Variants in MAK16 observed in about 807,000 individuals in gnomAD.
MAK16 encodes protein MAK16 homolog.
A neutral mutation model predicts 49.9 loss-of-function variants in MAK16; 12 were observed. That is an observed-to-expected ratio of 0.24 (90% confidence interval 0.15 to 0.39). The LOEUF is 0.39. Ranked by LOEUF, MAK16 falls within the 10% of genes least tolerant of loss-of-function variation. The pLI is 1.00. For synonymous variants in MAK16, 115 were observed against 126.4 expected (o/e 0.91, Z 0.60); for missense variants, 292 against 363.7 (o/e 0.80, Z 1.60).
chr8:33,497,175 G>A, intron 8 of MAK16, 57 bp from the exon 9 acceptor site: 1 of 1,280,078 alleles, frequency 7.8e-7, no homozygotes, highest in Non-Finnish European at 1.1e-6. Context: ...TTACTTAGAT[G>A]TCTAATCTGA....
At position 33,499,194 on chromosome 8, in the gene MAK16, G is replaced by A. The variant is rs200273292; in HGVS notation, c.*565G>A. ...AGTCTTAAGTTCCATTGTAGGGTGC[G>A]CCTTCAGAAACCTGCTGCACTTTTC... On this transcript the variant is annotated 3_prime_UTR_variant, in exon 10 of 10. Coordinates refer to ENST00000360128, the MANE Select transcript of MAK16 (RefSeq NM_032509.4). 6.3e-5 allele frequency: 102 copies of A among 1,613,724 alleles called. No individual in the cohort carries two copies. Among genetic ancestry groups the A allele is most frequent in the South Asian group, 3.1e-4 (28 of 91,078 alleles).
chr8:33,490,641 C>A (rs1364939037), intron 6 of MAK16, among the ~76,000 whole-genome samples: 1 of 152,172 alleles, frequency 6.6e-6, no homozygotes, highest in Non-Finnish European at 1.5e-5. Flanking sequence ...GCATATTTTA[C>A]ATACTACATA....
intron 1 of MAK16, among the ~76,000 whole-genome samples, chr8:33,487,475 G>C (rs1427685339): frequency 6.6e-6 from 1 of 151,498 alleles, no homozygotes; most frequent in African/African-American, 2.4e-5. Flanking sequence ...GCCCAGGCTG[G>C]AGTGCAGTGG....
Position 33,490,171 on chromosome 8 carries a change from G to A in MAK16, c.393-114G>A, listed in dbSNP as rs563550880. The A allele has an allele frequency of 1.7e-4, 138 of 798,084 alleles. 1 individual carries two copies. The highest frequency in any genetic ancestry group is 8.0e-4 in the South Asian group (46 of 57,430). The allele number at this position is 798,084 out of a possible 1,614,324, so 49.4% of individuals were successfully genotyped here. ...GCCTGAAGCTCAGCCATCCTGCCCT[G>A]CACATGAGTAGACTTCCATTTTAGT... On this transcript the variant is annotated intron_variant, in intron 5 of 9. Coordinates refer to ENST00000360128, the MANE Select transcript of MAK16 (RefSeq NM_032509.4).
intron 1 of MAK16, among the ~76,000 whole-genome samples, chr8:33,486,415 G>A (rs1452916112): frequency 6.6e-6 from 1 of 152,128 alleles, no homozygotes; most frequent in Non-Finnish European, 1.5e-5. Flanking sequence ...AGCTGGGCGC[G>A]GTGGTGTTCG....
At position 33,498,673 on chromosome 8, in the gene MAK16, G is replaced by GTTT. The variant is rs11445524; in HGVS notation, c.*58_*60dup. 4,347 of 1,169,248 alleles carry GTTT rather than the reference G, an allele frequency of 3.7e-3. No individual in the cohort carries two copies. The highest frequency in any genetic ancestry group is 9.1e-3 in the East Asian group (350 of 38,398). The allele number at this position is 1,169,248 out of a possible 1,614,324, so 72.4% of individuals were successfully genotyped here. On this transcript the variant is annotated 3_prime_UTR_variant, in exon 10 of 10. Transcript: ENST00000360128. ...TACCCAGGACTGAACATGCAGAACT[G>GTTT]TTTTTTTTTTTTTTTTATCTTAAAC...
At position 33,499,410 on chromosome 8, in the gene MAK16, G is replaced by T; in HGVS notation, c.*781G>T. Reference sequence around the variant, plus strand: ...ATGACACTTAGGGACAGGTCACTAAGCAGAATAGGTATTAGTTGGTTTTTT... The same window carrying T: ...ATGACACTTAGGGACAGGTCACTAATCAGAATAGGTATTAGTTGGTTTTTT... On this transcript the variant is annotated 3_prime_UTR_variant, in exon 10 of 10. Transcript: ENST00000360128. The T allele has an allele frequency of 2.9e-6, 2 of 691,558 alleles. No individual in the cohort carries two copies. The highest frequency in any genetic ancestry group is 2.6e-6 in the Non-Finnish European group (1 of 389,558). 42.8% of individuals were successfully genotyped at this position (691,558 alleles called of 1,614,324 possible). A position where few individuals can be genotyped will look rare whatever the true frequency, so the allele number is the denominator to read the frequency against.
intron 1 of MAK16, among the ~76,000 whole-genome samples, chr8:33,486,152 GT>G (rs1808683772): frequency 6.6e-6 from 1 of 152,226 alleles, no homozygotes; most frequent in African/African-American, 2.4e-5. Context: ...CTTGTAGGAA[GT>G]GTTTTTTAGG....
chr8:33,496,533 A>C, intron 7 of MAK16, 92 bp from the exon 8 acceptor site: 6 of 895,230 alleles, frequency 6.7e-6, no homozygotes, highest in Non-Finnish European at 8.6e-6. Flanking sequence ...TGATTTAATC[A>C]CTGAGGAAAA....
intron 6 of MAK16, among the ~76,000 whole-genome samples, chr8:33,493,640 T>C (rs1808811532): frequency 6.6e-6 from 1 of 152,222 alleles, no homozygotes; most frequent in African/African-American, 2.4e-5. Context: ...CCATTAGTTA[T>C]GGAGCGGCTT....
At chr8:33,494,292 C>T (rs900731644) in intron 6 of MAK16, among the ~76,000 whole-genome samples, 9 of 152,160 alleles carry the variant, frequency 5.9e-5, no homozygotes, top group Non-Finnish European at 8.8e-5. Flanking sequence ...TCAGGCTGGT[C>T]TTGATCTCCT....
intron 9 of MAK16, among the ~76,000 whole-genome samples, chr8:33,497,648 C>T (rs551722177): frequency 6.6e-6 from 1 of 151,896 alleles, no homozygotes; most frequent in East Asian, 2.0e-4. Flanking sequence ...ATGTGCCACT[C>T]CACCCGGCTA....
chr8:33,495,469 A>T, intron 6 of MAK16, 73 bp from the exon 7 acceptor site: 3 of 1,254,588 alleles, frequency 2.4e-6, no homozygotes, highest in Non-Finnish European at 2.3e-6. Flanking sequence ...ACAACTTGGT[A>T]GTTTCTTCCA....
At chr8:33,493,062 A>C (rs779322902) in intron 6 of MAK16, among the ~76,000 whole-genome samples, 1 of 152,032 alleles carries the variant, frequency 6.6e-6, no homozygotes, top group Non-Finnish European at 1.5e-5. Flanking sequence ...TGTCCCCATT[A>C]ATCACAGTTA....
chr8:33,486,640 A>G (rs1429192282), intron 1 of MAK16, among the ~76,000 whole-genome samples: 1 of 152,202 alleles, frequency 6.6e-6, no homozygotes, highest in Admixed American at 6.5e-5. Context: ...TGAATTTGAG[A>G]CCTTTTACGT....
Position 33,500,156 on chromosome 8 carries a change from A to G in MAK16, c.*1527A>G. On this transcript the variant is annotated 3_prime_UTR_variant, in exon 10 of 10. Transcript: ENST00000360128. ...GGTTCTGAATAGCTTTAAAAGATGA[A>G]TAAGAAAAAAGATCAAGCTCTTTTG... is the stretch of plus-strand genomic sequence containing the variant. 1.5e-6 allele frequency: 1 copy of G among 677,938 alleles called. No individual in the cohort carries two copies. The highest frequency in any genetic ancestry group is 2.8e-5 in the East Asian group (1 of 35,524). 42.0% of individuals were successfully genotyped at this position (677,938 alleles called of 1,614,324 possible).
Position 33,500,455 on chromosome 8 carries a change from A to G in MAK16, c.*1826A>G. 6.2e-7 allele frequency: 1 copy of G among 1,614,104 alleles called. No homozygotes were observed. Among genetic ancestry groups the G allele is most frequent in the Non-Finnish European group, 8.5e-7 (1 of 1,180,010 alleles). ...TGCTACATCACAAATCAGTTTCAAG[A>G]GGGCCTTCAGTAAGACCACAAGTCT... On this transcript the variant is annotated 3_prime_UTR_variant, in exon 10 of 10. Transcript: ENST00000360128.
At position 33,499,433 on chromosome 8, in the gene MAK16, TTTA is replaced by T. The variant is rs1253397249; in HGVS notation, c.*810_*812del. The T allele has an allele frequency of 6.5e-6, 4 of 611,124 alleles. No homozygotes were observed. Among genetic ancestry groups the T allele is most frequent in the Admixed American group, 5.9e-5 (2 of 33,826 alleles). 37.9% of individuals were successfully genotyped at this position (611,124 alleles called of 1,614,324 possible). ...AAGCAGAATAGGTATTAGTTGGTTT[TTTA>T]TTATTTTTAAATTTATATAGCTCTC... On this transcript the variant is annotated 3_prime_UTR_variant, in exon 10 of 10. Coordinates refer to ENST00000360128, the MANE Select transcript of MAK16 (RefSeq NM_032509.4).
rs768361955 is a variant in MAK16, at chr8:33,495,610, A to C, written c.516A>C (p.Gln172His). The change falls in exon 7 of 10, where the codon CAA (glutamine) becomes CAC (histidine). Residue 172 changes from glutamine (Q) to histidine (H), a missense_variant. Transcript: ENST00000360128. ...AGGAATTACTGGAGAGACTGAAACA[A>C]GATACGGTGAGAAAGCCATTAGCTT... ...IEKELLERLK[Q>H]DTYGDIYNFP... The C allele has an allele frequency of 5.6e-6, 9 of 1,610,664 alleles. No individual in the cohort carries two copies. The highest frequency in any genetic ancestry group is 5.0e-5 in the Admixed American group (3 of 59,758).
Sources: gnomAD v4.1 joint callset for allele counts (sites outside exome capture counted in the v4.1 genomes callset) on GRCh38, gnomAD v4.1.1 for gene constraint, MANE v1.5 for transcripts, NCBI Gene and HGNC (gene_info 2026-07-23, HGNC 2026-07-21) for gene names.